NT5C3A: variants seen among roughly 807,000 people sequenced by gnomAD.
NT5C3A encodes cytosolic 5'-nucleotidase 3A.
In NT5C3A, 23 loss-of-function variants were observed where a neutral mutation model predicts 40.0. The ratio of observed to expected loss-of-function variants is 0.58; its 90% CI spans 0.41 to 0.81. The LOEUF (loss-of-function observed/expected upper bound fraction) is 0.81, where lower values mean the gene tolerates loss of function less well. NT5C3A is among the 40% of genes least tolerant of loss of function. NT5C3A has a pLI of 0.00. For missense variants in NT5C3A, 328 were observed against 403.0 expected, an observed-to-expected ratio of 0.81 and a Z score of 1.59; for synonymous variants, 130 against 141.4, an observed-to-expected ratio of 0.92 and a Z score of 0.57.
At chr7:33,046,585 C>G (rs905990666) in intron 1 of NT5C3A, among the ~76,000 whole-genome samples, 1 of 151,860 alleles carries the variant, frequency 6.6e-6, no homozygotes, top group African/African-American at 2.4e-5. Context: ...TTCAAAAACT[C>G]AAGTAAAATT....
intron 4 of NT5C3A, 138 bp downstream of exon 4, chr7:33,021,915 C>T: frequency 1.5e-6 from 1 of 655,296 alleles, no homozygotes; most frequent in South Asian, 1.7e-5. Flanking sequence ...CTACTATTTA[C>T]TGAGTGCTTA....
chr7:33,019,781 A>G, intron 5 of NT5C3A, 57 bp from the exon 6 acceptor site: 3 of 936,088 alleles, frequency 3.2e-6, no homozygotes, highest in Non-Finnish European at 5.2e-6. Flanking sequence ...TAAAATTATT[A>G]TCTTTATTAC....
At chr7:33,049,689 G>C (rs562592951) in intron 1 of NT5C3A, among the ~76,000 whole-genome samples, 1 of 151,810 alleles carries the variant, frequency 6.6e-6, no homozygotes, top group African/African-American at 2.4e-5. Context: ...TTGACAACAG[G>C]CCGGGCACAG....
chr7:33,026,695 T>C (rs1165710672), intron 2 of NT5C3A, 122 bp downstream of exon 2: 6 of 695,998 alleles, frequency 8.6e-6, no homozygotes, highest in African/African-American at 7.1e-5. Context: ...GGTCTCACTA[T>C]GTTGCCCAGG....
intron 1 of NT5C3A, among the ~76,000 whole-genome samples, chr7:33,062,252 G>A (rs1312956711): frequency 6.6e-6 from 1 of 152,166 alleles, no homozygotes; most frequent in Non-Finnish European, 1.5e-5. Flanking sequence ...AACGGGTTTT[G>A]CAGCACAAAG....
chr7:33,036,022 G>C, intron 1 of NT5C3A: 1 of 1,456,658 alleles, frequency 6.9e-7, no homozygotes, highest in Non-Finnish European at 9.4e-7. Context: ...CAGCAAAAGA[G>C]AAAAAAAAAA....
intron 1 of NT5C3A, among the ~76,000 whole-genome samples, chr7:33,047,546 TATA>T (rs1186257598): frequency 6.6e-6 from 1 of 152,206 alleles, no homozygotes; most frequent in East Asian, 1.9e-4. Flanking sequence ...ATCCATGTGA[TATA>T]ATAGCATAAA....
intron 1 of NT5C3A, among the ~76,000 whole-genome samples, chr7:33,044,419 A>G (rs188729214): frequency 5.9e-5 from 9 of 152,266 alleles, no homozygotes; most frequent in Non-Finnish European, 1.2e-4. Flanking sequence ...GATAGAAAGG[A>G]TATGGAAGTA....
chr7:33,046,568 T>G (rs1203000519), intron 1 of NT5C3A, among the ~76,000 whole-genome samples: 1 of 152,150 alleles, frequency 6.6e-6, no homozygotes, highest in East Asian at 1.9e-4. Context: ...GATCAAGTAA[T>G]TTAATTTTCA....
At chr7:33,031,950 C>A (rs1231849169) in intron 1 of NT5C3A, among the ~76,000 whole-genome samples, 1 of 151,882 alleles carries the variant, frequency 6.6e-6, no homozygotes, top group African/African-American at 2.4e-5. Flanking sequence ...CATAGTGAAA[C>A]CCTGTCTCTA....
At chr7:33,027,660 T>C (rs561445904) in intron 1 of NT5C3A, among the ~76,000 whole-genome samples, 19 of 49,344 alleles carry the variant, frequency 3.9e-4, no homozygotes, top group African/African-American at 3.5e-3. Flanking sequence ...TGGGTTGTGA[T>C]GCAATCCAGA....
intron 1 of NT5C3A, among the ~76,000 whole-genome samples, chr7:33,048,063 A>C (rs1787224565): frequency 6.6e-6 from 1 of 151,930 alleles, no homozygotes; most frequent in Non-Finnish European, 1.5e-5. Context: ...TATTTAAATA[A>C]ACTTTTAGAG....
chr7:33,038,301 A>G (rs1318435492), intron 1 of NT5C3A, among the ~76,000 whole-genome samples: 1 of 152,150 alleles, frequency 6.6e-6, no homozygotes, highest in Non-Finnish European at 1.5e-5. Context: ...GGAATCTAAG[A>G]TCTTTTTGTT....
chr7:33,024,758 G>T (rs959401386), intron 2 of NT5C3A, among the ~76,000 whole-genome samples: 1 of 152,128 alleles, frequency 6.6e-6, no homozygotes, highest in East Asian at 1.9e-4. Context: ...TAATTACCCT[G>T]ATTTGATTAT....
chr7:33,037,499 T>C (rs546189886), intron 1 of NT5C3A, among the ~76,000 whole-genome samples: 1 of 152,358 alleles, frequency 6.6e-6, no homozygotes, highest in Non-Finnish European at 1.5e-5. Flanking sequence ...GTAATATAAG[T>C]TGGACATTAG....
chr7:33,039,829 G>A (rs1395212772), intron 1 of NT5C3A, among the ~76,000 whole-genome samples: 1 of 151,936 alleles, frequency 6.6e-6, no homozygotes, highest in Non-Finnish European at 1.5e-5. Context: ...GGAAAAAACA[G>A]ATTTCAAAAG....
chr7:33,016,859 G>A (rs1006221441), intron 7 of NT5C3A, among the ~76,000 whole-genome samples: 1 of 151,780 alleles, frequency 6.6e-6, no homozygotes, highest in Non-Finnish European at 1.5e-5. Context: ...GAATGTTAAG[G>A]CTTCAAAGTT....
chr7:33,041,501 A>G (rs1007711305), intron 1 of NT5C3A, among the ~76,000 whole-genome samples: 1 of 152,224 alleles, frequency 6.6e-6, no homozygotes, highest in African/African-American at 2.4e-5. Context: ...ATTAAAAAAA[A>G]GATTAGCTCA....
chr7:33,050,156 A>G (rs1787310337), intron 1 of NT5C3A, among the ~76,000 whole-genome samples: 1 of 152,126 alleles, frequency 6.6e-6, no homozygotes, highest in Non-Finnish European at 1.5e-5. Context: ...AACTACAGCT[A>G]GACTGTGTTT....
Sources: gnomAD v4.1 joint callset for allele counts (sites outside exome capture counted in the v4.1 genomes callset) on GRCh38, gnomAD v4.1.1 for gene constraint, MANE v1.5 for transcripts, NCBI Gene and HGNC (gene_info 2026-07-23, HGNC 2026-07-21) for gene names.